Variants in RASA3 observed in about 807,000 individuals in gnomAD.
RASA3 encodes RAS p21 protein activator 3.
RASA3 carries 73 observed loss-of-function variants against 110.0 expected under a neutral mutation model. The ratio of observed to expected loss-of-function variants is 0.66; its 90% confidence interval spans 0.55 to 0.81. RASA3 has a LOEUF of 0.81. Among genes scored for constraint, RASA3 ranks in the 30% least tolerant of loss-of-function variants. RASA3 has a pLI of 0.00. For missense variants in RASA3, 976 were observed against 1,113.2 expected, an observed-to-expected ratio of 0.88 and a Z score of 1.75; for synonymous variants, 500 against 451.4, an observed-to-expected ratio of 1.11 and a Z score of -1.37.
intron 1 of RASA3, among the ~76,000 whole-genome samples, chr13:114,077,131 A>T (rs1459664722): frequency 6.6e-6 from 1 of 152,226 alleles, no homozygotes; most frequent in African/African-American, 2.4e-5. Context: ...TTGTTCCCAC[A>T]GGGCCTCAAA....
chr13:114,023,065 G>A (rs35259450), intron 8 of RASA3, among the ~76,000 whole-genome samples: 8,809 of 152,256 alleles, frequency 0.058, 462 homozygotes, highest in East Asian at 0.2. Context: ...ACAAAACCAC[G>A]CCTCCCAGCA....
rs1373071307 is a variant in RASA3 at position 113,981,852 on chromosome 13, C to CAAATCTGTGGG, written c.2251_2252insCCCACAGATTT (p.Cys751SerfsTer34). ...GCCGTCATACACAGATTTGCTCCCA[C>CAAATCTGTGGG]AGGCCTCTGTGGAGGGCGGAGGGGT... On this transcript the variant is annotated frameshift_variant, in exon 23 of 24. Transcript: ENST00000334062. LOFTEE classifies it high-confidence loss of function. 2 of 1,613,478 alleles carry CAAATCTGTGGG rather than the reference C, an allele frequency of 1.2e-6. No homozygotes were observed. The highest frequency in any genetic ancestry group is 1.7e-6 in the Non-Finnish European group (2 of 1,179,860).
At chr13:114,045,657 T>C (rs1467702023) in intron 3 of RASA3, among the ~76,000 whole-genome samples, 2 of 152,144 alleles carry the variant, frequency 1.3e-5, no homozygotes, top group African/African-American at 2.4e-5. Context: ...GCAAAGCTAA[T>C]AGAACTAATT....
chr13:114,019,501 C>CATTA (rs2053869182), intron 9 of RASA3, among the ~76,000 whole-genome samples: 1 of 151,114 alleles, frequency 6.6e-6, no homozygotes, highest in African/African-American at 2.4e-5. Context: ...GTGTCCGAGG[C>CATTA]CCCGCCCCCA....
chr13:114,000,787 G>T, intron 19 of RASA3, 39 bp downstream of exon 19: 1 of 1,433,988 alleles, frequency 7.0e-7, no homozygotes, highest in Non-Finnish European at 9.8e-7. Flanking sequence ...GGCCCAGCAC[G>T]CTCCAGCAAG....
At chr13:114,110,620 C>T (rs969699529) in intron 1 of RASA3, among the ~76,000 whole-genome samples, 9 of 152,218 alleles carry the variant, frequency 5.9e-5, no homozygotes, top group East Asian at 1.9e-4. Context: ...CCCAGAGCCC[C>T]GTTTCCTCAT....
chr13:114,037,287 G>C (rs2054296522), intron 4 of RASA3, among the ~76,000 whole-genome samples: 2 of 152,208 alleles, frequency 1.3e-5, no homozygotes, highest in African/African-American at 2.4e-5. Flanking sequence ...CCCATCGGCA[G>C]GTGACTGGAG....
intron 20 of RASA3, among the ~76,000 whole-genome samples, chr13:113,999,180 T>C (rs2053325680): frequency 6.6e-6 from 1 of 152,200 alleles, no homozygotes. Context: ...AAGTACTTGT[T>C]CTACTCGTGC....
Position 114,000,901 on chromosome 13 carries a change from G to A in RASA3, c.1774C>T (p.Arg592Cys). The change falls in exon 19 of 24, where the codon CGC becomes TGC. Residue 592 changes from arginine to cysteine, a missense_variant. Physicochemically the swap from Arg to Cys is radical, Grantham distance 180. Coordinates refer to ENST00000334062, the MANE Select transcript of RASA3 (RefSeq NM_007368.4). ...TTCTTAAAATTCTTCATCCCAAAGC[G>A]CTTCCGTCCTTGGGCCCTCTTGATC... ...FMIKRAQGRK[R>C]FGMKNFKKRW... is the part of the protein sequence containing the mutation. 3 of 1,613,784 alleles carry A rather than the reference G, an allele frequency of 1.9e-6. No individual in the cohort carries two copies. Among genetic ancestry groups the A allele is most frequent in the Non-Finnish European group, 2.5e-6 (3 of 1,179,798 alleles).
Position 114,011,551 on chromosome 13 carries a change from G to A in RASA3, c.1513-303C>T, listed in dbSNP as rs1001687611. ...TCAGGTGGGGTCATGGCTCTGGGGCGCTGAGTCTCGGGGTGCTGAGTCTCC... is the reference window on the plus strand; with the variant it reads ...TCAGGTGGGGTCATGGCTCTGGGGCACTGAGTCTCGGGGTGCTGAGTCTCC... On this transcript the variant is annotated intron_variant, in intron 15 of 23. Transcript: ENST00000334062. This position sits in a 1 kb window ranked among gnomAD's most constrained non-coding sequence, Gnocchi z 4.8. 1.3e-5 allele frequency among the ~76,000 whole-genome samples: 2 copies of A among 152,096 alleles called. No individual in the cohort carries two copies. Among genetic ancestry groups the A allele is most frequent in the South Asian group, 2.1e-4 (1 of 4,826 alleles).
At position 113,982,396 on chromosome 13, in the gene RASA3, C is replaced by CTG. The variant is rs545230437; in HGVS notation, c.2246-540_2246-539dup. Reference sequence around the variant, plus strand: ...GGCCGAGCACAGGGCGGACACCAGTCTGTGCCGCAGCTTCTAAAGACCACT... The same window carrying CTG: ...GGCCGAGCACAGGGCGGACACCAGTCTGTGTGCCGCAGCTTCTAAAGACCACT... On this transcript the variant is annotated intron_variant, in intron 22 of 23. Transcript: ENST00000334062. 3.0e-4 allele frequency among the ~76,000 whole-genome samples: 45 copies of CTG among 152,356 alleles called. 1 individual carries two copies. The South Asian group carries it at 9.1e-3, about 31-fold the overall frequency.
In RASA3 at chr13:113,996,381, G is replaced by T. The variant is rs547764222; in HGVS notation, c.2141+150C>A. On this transcript the variant is annotated intron_variant, in intron 21 of 23. Coordinates refer to ENST00000334062, the MANE Select transcript of RASA3 (RefSeq NM_007368.4). Reference sequence around the variant, plus strand: ...ATGCTCCCTCGAGGGAGGACCCCTCGGGTGGGAGGCTCCTGGGAGGAGGCG... The same window carrying T: ...ATGCTCCCTCGAGGGAGGACCCCTCTGGTGGGAGGCTCCTGGGAGGAGGCG... The T allele has an allele frequency of 1.9e-5, 15 of 794,006 alleles. 1 individual carries two copies. The South Asian group carries it at 2.4e-4, about 13-fold the overall frequency. The allele number at this position is 794,006 out of a possible 1,614,324, so 49.2% of individuals were successfully genotyped here. A position where few individuals can be genotyped will look rare whatever the true frequency, so the allele number is the denominator to read the frequency against.
chr13:113,981,979 G>C, intron 22 of RASA3, 121 bp from the exon 23 acceptor site: 4 of 877,698 alleles, frequency 4.6e-6, no homozygotes, highest in Non-Finnish European at 6.8e-6. Context: ...AGCTCCTCCA[G>C]AAAGGGCTGA....
chr13:114,066,014 C>T (rs2079442654), intron 2 of RASA3, among the ~76,000 whole-genome samples: 1 of 152,046 alleles, frequency 6.6e-6, no homozygotes, highest in African/African-American at 2.4e-5. Flanking sequence ...TGTTCAGGGG[C>T]ACCGAGGAGC....
intron 2 of RASA3, among the ~76,000 whole-genome samples, chr13:114,061,549 C>T (rs1290019510): frequency 7.3e-5 from 11 of 151,352 alleles, no homozygotes; most frequent in Non-Finnish European, 1.3e-4. Flanking sequence ...TGGCGGCAGG[C>T]GCCTGTAATC....
chr13:114,073,311 C>A (rs2079607945), intron 2 of RASA3, among the ~76,000 whole-genome samples: 1 of 140,604 alleles, frequency 7.1e-6, no homozygotes. Flanking sequence ...GAAAAATTCC[C>A]TACACATGGG....
intron 1 of RASA3, among the ~76,000 whole-genome samples, chr13:114,117,174 A>G (rs1388910437): frequency 1.3e-3 from 36 of 28,448 alleles, no homozygotes; most frequent in East Asian, 3.5e-3. Context: ...CGTGTGTGAC[A>G]GATGCATGTG....
In RASA3 at chr13:114,112,752, G is replaced by A. The variant is rs188795173; in HGVS notation, c.55+19683C>T. On this transcript the variant is annotated intron_variant, in intron 1 of 23. Transcript: ENST00000334062. This position sits in a 1 kb window ranked among gnomAD's most constrained non-coding sequence, Gnocchi z 4.8. The stretch of plus-strand genomic sequence containing the variant: ...CAGCCAAGGTGCCCCGACTGCCAGC[G>A]TCCACTCCCCGTGGGGCCGCAGGGT... Among the ~76,000 whole-genome samples, 162 of 152,118 alleles carry A rather than the reference G, an allele frequency of 1.1e-3. 3 individuals are homozygous for A. Among genetic ancestry groups the A allele is most frequent in the South Asian group, 4.4e-3 (21 of 4,822 alleles).
In RASA3 at chr13:114,018,139, G is replaced by A. The variant is rs1381616770; in HGVS notation, c.1056C>T (p.Ile352=). 6.5e-7 allele frequency: 1 copy of A among 1,550,072 alleles called. No homozygotes were observed. The highest frequency in any genetic ancestry group is 8.7e-7 in the Non-Finnish European group (1 of 1,146,800). Residue 352 remains isoleucine, a synonymous_variant, in exon 11 of 24, where the codon ATC becomes ATT. Coordinates refer to ENST00000334062, the MANE Select transcript of RASA3 (RefSeq NM_007368.4). ...TCACCTCCGCGCTGGCGATGGCACTGATGAATGGCACCACCCTGCCATAGT... is the reference window on the plus strand; with the variant it reads ...TCACCTCCGCGCTGGCGATGGCACTAATGAATGGCACCACCCTGCCATAGT... The part of the protein sequence containing the change: ...FLHYGRVVPF[I]SAIASAEVKR...
Sources: allele counts gnomAD v4.1 joint callset (sites outside exome capture counted in the v4.1 genomes callset), GRCh38; gene constraint gnomAD v4.1.1; non-coding constraint Gnocchi (gnomAD v3.1); transcripts MANE v1.5; gene names NCBI Gene and HGNC (gene_info 2026-07-23, HGNC 2026-07-21).